The following MACROD2 variants were observed in gnomAD, a reference collection of about 807,000 sequenced individuals.
MACROD2 encodes the protein mono-ADP ribosylhydrolase 2.
MACROD2 carries 36 observed loss-of-function variants against 70.4 expected under a neutral mutation model. The observed-to-expected ratio is 0.51, with a 90% CI of 0.39 to 0.68. The LOEUF (loss-of-function observed/expected upper bound fraction) is 0.68. Among genes scored for constraint, MACROD2 ranks in the 30% least tolerant of loss-of-function variants. The pLI, the probability that MACROD2 is intolerant of heterozygous loss-of-function variation, is 0.00. For synonymous variants in MACROD2, 172 were observed against 178.8 expected (o/e 0.96, Z 0.30); for missense variants, 496 against 538.4 (o/e 0.92, Z 0.78).
intron 2 of MACROD2, among the ~76,000 whole-genome samples, chr20:14,029,224 A>G (rs1476999892): frequency 6.6e-6 from 1 of 152,152 alleles, no homozygotes; most frequent in African/African-American, 2.4e-5. Context: ...CATTGTCACC[A>G]CCTCTTCAGT....
At chr20:14,655,339 G>GTA (rs1245927178) in intron 4 of MACROD2, among the ~76,000 whole-genome samples, 5 of 151,568 alleles carry the variant, frequency 3.3e-5, no homozygotes, top group African/African-American at 4.9e-5. Flanking sequence ...GTGTGTGTGT[G>GTA]TGTGTGTGTG....
intron 6 of MACROD2, among the ~76,000 whole-genome samples, chr20:15,350,511 A>G (rs1354695619): frequency 6.6e-6 from 1 of 152,200 alleles, no homozygotes; most frequent in African/African-American, 2.4e-5. Flanking sequence ...TTAATCACAA[A>G]TGCAAATTCG....
intron 6 of MACROD2, among the ~76,000 whole-genome samples, chr20:15,260,237 C>G (rs1443205383): frequency 2.0e-5 from 3 of 151,418 alleles, no homozygotes; most frequent in Non-Finnish European, 4.4e-5. Flanking sequence ...CTTATTTATT[C>G]TAACTGTACT....
chr20:15,057,834 G>A (rs757527652), intron 5 of MACROD2, among the ~76,000 whole-genome samples: 9 of 152,118 alleles, frequency 5.9e-5, no homozygotes, highest in Admixed American at 1.3e-4. Context: ...AGACAGGATC[G>A]GAATCAGAAT....
Position 15,558,438 on chromosome 20 carries a change from A to G in MACROD2, c.645+58591A>G, listed in dbSNP as rs535079476. 6.9e-4 allele frequency among the ~76,000 whole-genome samples: 105 copies of G among 152,218 alleles called. 2 individuals are homozygous for G. The highest frequency in any genetic ancestry group is 1.3e-4 in the Non-Finnish European group (9 of 68,032). On this transcript the variant is annotated intron_variant, in intron 8 of 17. Coordinates refer to ENST00000684519, the MANE Select transcript of MACROD2 (RefSeq NM_001351661.2). ...TTGCTATTACTTTCAATGGCAAAAA[A>G]CACAATTACTTTTGCACCAACCTAA...
intron 3 of MACROD2, among the ~76,000 whole-genome samples, chr20:14,192,464 A>G (rs1227426962): frequency 6.6e-6 from 1 of 152,154 alleles, no homozygotes; most frequent in Non-Finnish European, 1.5e-5. Context: ...CTTAGGATAT[A>G]TTAGCAAGGA....
chr20:14,891,013 ACCTT>A (rs138618122), intron 5 of MACROD2, among the ~76,000 whole-genome samples: 1,809 of 64,378 alleles, frequency 0.028, 30 homozygotes, highest in East Asian at 0.11. Flanking sequence ...CTCCCTTCCT[ACCTT>A]CCTTCCTTCC....
At chr20:14,241,114 TC>T (rs773479534) in intron 3 of MACROD2, among the ~76,000 whole-genome samples, 73 of 151,452 alleles carry the variant, frequency 4.8e-4, no homozygotes, top group Middle Eastern at 3.4e-3. Flanking sequence ...AGACTCCGTC[TC>T]AAAAAAAAAA....
chr20:15,834,093 ACTTAC>A (rs1314634708), intron 8 of MACROD2, among the ~76,000 whole-genome samples: 2 of 152,230 alleles, frequency 1.3e-5, no homozygotes, highest in African/African-American at 4.8e-5. Context: ...TAACACAGAA[ACTTAC>A]CTGTGTCCTG....
At chr20:15,121,912 T>A (rs1033547430) in intron 5 of MACROD2, among the ~76,000 whole-genome samples, 3 of 152,164 alleles carry the variant, frequency 2.0e-5, no homozygotes, top group African/African-American at 7.2e-5. Flanking sequence ...CTGTCATTGG[T>A]TTTTGTTTTC....
intron 3 of MACROD2, among the ~76,000 whole-genome samples, chr20:14,116,555 A>C (rs935687496): frequency 6.6e-6 from 1 of 152,074 alleles, no homozygotes; most frequent in Admixed American, 6.6e-5. Context: ...TTTTCTTTTT[A>C]TTTAAAATTT....
At chr20:14,792,788 G>C (rs1269644618) in intron 5 of MACROD2, among the ~76,000 whole-genome samples, 1 of 151,988 alleles carries the variant, frequency 6.6e-6, no homozygotes, top group African/African-American at 2.4e-5. Flanking sequence ...TCCCCACTCA[G>C]TGTTGTCCTA....
At chr20:14,240,797 T>C (rs2081922469) in intron 3 of MACROD2, among the ~76,000 whole-genome samples, 1 of 152,156 alleles carries the variant, frequency 6.6e-6, no homozygotes. Flanking sequence ...GACATGCAAC[T>C]TACCTATATG....
At chr20:14,018,224 A>G (rs572388932) in intron 2 of MACROD2, among the ~76,000 whole-genome samples, 2 of 152,118 alleles carry the variant, frequency 1.3e-5, no homozygotes, top group Non-Finnish European at 2.9e-5. Flanking sequence ...TGATCTTTTT[A>G]AAGAACTAAA....
chr20:15,308,377 A>C (rs1249999692), intron 6 of MACROD2, among the ~76,000 whole-genome samples: 2 of 152,204 alleles, frequency 1.3e-5, no homozygotes, highest in Non-Finnish European at 2.9e-5. Flanking sequence ...CTTCAGTGCC[A>C]TGTAGATAAG....
intron 2 of MACROD2, among the ~76,000 whole-genome samples, chr20:14,011,167 T>G (rs1363624308): frequency 6.6e-6 from 1 of 152,180 alleles, no homozygotes; most frequent in East Asian, 1.9e-4. Flanking sequence ...GGGTTCTGGG[T>G]GGCCAGGGGC....
intron 7 of MACROD2, among the ~76,000 whole-genome samples, chr20:15,475,871 C>G (rs2047015849): frequency 1.3e-5 from 2 of 152,230 alleles, no homozygotes; most frequent in Non-Finnish European, 2.9e-5. Flanking sequence ...GCCTGACTTT[C>G]TACTTCTAGC....
At chr20:15,030,210 T>G (rs1313377371) in intron 5 of MACROD2, among the ~76,000 whole-genome samples, 1 of 152,174 alleles carries the variant, frequency 6.6e-6, no homozygotes, top group Non-Finnish European at 1.5e-5. Flanking sequence ...GAAGGTCCCT[T>G]TGCACAAGGC....
intron 3 of MACROD2, among the ~76,000 whole-genome samples, chr20:14,153,979 G>A (rs1197579205): frequency 1.3e-5 from 2 of 152,156 alleles, no homozygotes; most frequent in Non-Finnish European, 2.9e-5. Flanking sequence ...TTTGTCAGCT[G>A]CTCTGTGAAG....
Sources: gnomAD v4.1 joint callset for allele counts (sites outside exome capture counted in the v4.1 genomes callset) on GRCh38, gnomAD v4.1.1 for gene constraint, MANE v1.5 for transcripts, NCBI Gene and HGNC (gene_info 2026-07-23, HGNC 2026-07-21) for gene names.